RNASET2: variants seen among roughly 807,000 people sequenced by gnomAD.
RNASET2 encodes ribonuclease T2, also known as ribonuclease 6.
In RNASET2, 28 loss-of-function variants were observed where a neutral mutation model predicts 33.9. That is an observed-to-expected ratio of 0.83 (90% CI 0.61 to 1.13). The LOEUF (loss-of-function observed/expected upper bound fraction) is 1.13. Ranked by LOEUF, RNASET2 falls within the 50% of genes most tolerant of loss-of-function variation. The pLI is 0.00. For missense variants in RNASET2, 330 were observed against 319.9 expected (o/e 1.03, Z -0.24); for synonymous variants, 123 against 121.0 (o/e 1.02, Z -0.11).
In RNASET2 at chr6:166,926,363, C is replaced by A. The variant is rs899284928; in HGVS notation, c.*3225G>T. Among the ~76,000 whole-genome samples, 3 of 151,602 alleles carry A rather than the reference C, an allele frequency of 2.0e-5. No individual in the cohort carries two copies. The highest frequency in any genetic ancestry group is 4.8e-5 in the African/African-American group (2 of 41,248). On this transcript the variant is annotated 3_prime_UTR_variant, in exon 9 of 9. Coordinates refer to ENST00000508775, the MANE Select transcript of RNASET2 (RefSeq NM_003730.6). ...GACCAGCCTGGCCAACACAGTGAAA[C>A]CCCAACTCTACTAAAAATACAAAAA...
Position 166,925,530 on chromosome 6 carries a change from C to T in RNASET2, c.*4058G>A, listed in dbSNP as rs1300029662. The stretch of plus-strand genomic sequence containing the variant: ...CACCTCCCCGGTCCAGCCCTTGCCT[C>T]CCCCGTCCAGCCCTCACCTCCATCA... On this transcript the variant is annotated 3_prime_UTR_variant, in exon 9 of 9. Transcript: ENST00000508775. 6.6e-6 allele frequency among the ~76,000 whole-genome samples: 1 copy of T among 151,772 alleles called. No individual in the cohort carries two copies. Among genetic ancestry groups the T allele is most frequent in the Admixed American group, 6.6e-5 (1 of 15,250 alleles).
chr6:166,940,166 T>G (rs1778662287), intron 5 of RNASET2, among the ~76,000 whole-genome samples: 1 of 152,252 alleles, frequency 6.6e-6, no homozygotes, highest in Admixed American at 6.5e-5. Context: ...GTTTATCATC[T>G]TTAGCATGAA....
In RNASET2 at chr6:166,933,782, G is replaced by T; in HGVS notation, c.492+309C>A. ...AAACCACAAACAAATATAAGACTAC[G>T]TTATAAAAGTGAATGTGACTCTTGA... is the stretch of plus-strand genomic sequence containing the variant. On this transcript the variant is annotated intron_variant, in intron 7 of 8. Transcript: ENST00000508775. This position sits in a 1 kb window ranked among gnomAD's most constrained non-coding sequence, Gnocchi z 4.1. 2.3e-6 allele frequency: 1 copy of T among 428,024 alleles called. No individual in the cohort carries two copies. Among genetic ancestry groups the T allele is most frequent in the Non-Finnish European group, 4.2e-6 (1 of 238,574 alleles). The allele number at this position is 428,024 out of a possible 1,614,324, so 26.5% of individuals were successfully genotyped here.
intron 8 of RNASET2, 125 bp downstream of exon 8, chr6:166,930,919 A>G (rs1778421347): frequency 2.6e-6 from 2 of 779,348 alleles, no homozygotes; most frequent in Non-Finnish European, 4.7e-6. Flanking sequence ...ACATGCCCAC[A>G]TATACAGACA....
chr6:166,946,700 GA>G lies in RNASET2; in HGVS notation c.242del (p.Phe81SerfsTer3). 6.4e-7 allele frequency: 1 copy of G among 1,559,452 alleles called. No homozygotes were observed. On this transcript the variant is annotated frameshift_variant, in exon 4 of 9. Coordinates refer to ENST00000508775, the MANE Select transcript of RNASET2 (RefSeq NM_003730.6). LOFTEE classifies it high-confidence loss of function. ...KSEGCNRSWPFNLEEIKDLLP... is the reference protein window; with the variant it reads ...KSEGCNRSWPXNLEEIKDLLP... ...TCAATACCTTAATCTCTTCTAAATT[GA>G]AGGGCCACGATCTATTACATCCTTC...
rs537978357 is a variant in RNASET2, at chr6:166,926,151, T to A, written c.*3437A>T. On this transcript the variant is annotated 3_prime_UTR_variant, in exon 9 of 9. Transcript: ENST00000508775. ...TTTCACAATTTAGGCAAAATTTTTT[T>A]AAAAAGTTTCCAGTTCACTTTGAGG... is the stretch of plus-strand genomic sequence containing the variant. 2.2e-4 allele frequency among the ~76,000 whole-genome samples: 34 copies of A among 152,226 alleles called. No individual in the cohort carries two copies. Among genetic ancestry groups the A allele is most frequent in the African/African-American group, 6.5e-4 (27 of 41,534 alleles).
intron 4 of RNASET2, among the ~76,000 whole-genome samples, chr6:166,944,580 G>A (rs3734246): frequency 0.038 from 5,744 of 151,260 alleles, 155 homozygotes; most frequent in East Asian, 0.088. Context: ...GGCTACTTCC[G>A]TTTGGGACAA....
Position 166,934,105 on chromosome 6 carries a change from T to C in RNASET2, c.478A>G (p.Ile160Val). Residue 160 changes from isoleucine to valine, a missense_variant, in exon 7 of 9, where the codon ATC becomes GTC. Ile to Val is a conservative substitution (Grantham distance 29, BLOSUM62 3). Transcript: ENST00000508775. ...GCAAGACTTACTTGGTAGTAATTGATGGATGGTTTTATCCCCAATTTTAGA... is the reference window on the plus strand; with the variant it reads ...GCAAGACTTACTTGGTAGTAATTGACGGATGGTTTTATCCCCAATTTTAGA... ...VLLKLGIKPS[I>V]NYYQVADFKD... is the part of the protein sequence containing the mutation. 6.2e-7 allele frequency: 1 copy of C among 1,610,064 alleles called. No homozygotes were observed. The highest frequency in any genetic ancestry group is 2.2e-5 in the East Asian group (1 of 44,884).
In RNASET2 at chr6:166,955,511, A is replaced by C; in HGVS notation, c.86+586T>G. 4 of 986,428 alleles carry C rather than the reference A, an allele frequency of 4.1e-6. No individual in the cohort carries two copies. In the South Asian group the frequency reaches 1.8e-4, roughly 46 times the overall value. 61.1% of individuals were successfully genotyped at this position (986,428 alleles called of 1,614,324 possible). On this transcript the variant is annotated intron_variant, in intron 1 of 8. Coordinates refer to ENST00000508775, the MANE Select transcript of RNASET2 (RefSeq NM_003730.6). ...TCGTTTCACCACCCGCCGCAGTGAA[A>C]GCTGAAATTAAGTGTCCCCTCCACG... is the stretch of plus-strand genomic sequence containing the variant.
At chr6:166,955,763 G>A (rs1362573049) in intron 1 of RNASET2, 4 of 1,229,580 alleles carry the variant, frequency 3.3e-6, no homozygotes, top group African/African-American at 3.1e-5. Context: ...AGTCACCCCA[G>A]AGCGTGCCCA....
In RNASET2 at chr6:166,924,808, C is replaced by T. The variant is rs183742639; in HGVS notation, c.*4780G>A. Among the ~76,000 whole-genome samples, 295 of 152,206 alleles carry T rather than the reference C, an allele frequency of 1.9e-3. No individual in the cohort carries two copies. The highest frequency in any genetic ancestry group is 8.7e-3 in the South Asian group (42 of 4,822). ...TCTCTACTAAAAATACAAAATTAGC[C>T]GGGCATGGTGGCATATGCCACCACT... is the stretch of plus-strand genomic sequence containing the variant. On this transcript the variant is annotated 3_prime_UTR_variant, in exon 9 of 9. Coordinates refer to ENST00000508775, the MANE Select transcript of RNASET2 (RefSeq NM_003730.6).
At chr6:166,938,775 C>T (rs1482608966) in intron 6 of RNASET2, 120 bp downstream of exon 6, 1 of 782,920 alleles carries the variant, frequency 1.3e-6, no homozygotes. Context: ...GAATAGTGCA[C>T]ATGCAGAAGC....
Position 166,939,104 on chromosome 6 carries a change from G to A in RNASET2, c.333-96C>T, listed in dbSNP as rs894336628. The stretch of plus-strand genomic sequence containing the variant: ...ATCCCAACACTTTGGGAGGCTGAAG[G>A]GGGTGGATCACCTGAGATCAGGAGT... On this transcript the variant is annotated intron_variant, in intron 5 of 8. Transcript: ENST00000508775. 32 of 872,460 alleles carry A rather than the reference G, an allele frequency of 3.7e-5. No individual in the cohort carries two copies. In the Admixed American group the frequency reaches 5.0e-4, roughly 14 times the overall value. 54.0% of individuals were successfully genotyped at this position (872,460 alleles called of 1,614,324 possible).
In RNASET2 at chr6:166,944,546, C is replaced by T. The variant is rs549923452; in HGVS notation, c.262-1457G>A. On this transcript the variant is annotated intron_variant, in intron 4 of 8. Coordinates refer to ENST00000508775, the MANE Select transcript of RNASET2 (RefSeq NM_003730.6). ...CAGCTCTCCGAGATGTCCTAGGGCA[C>T]GATATGATTGAGTGTGCAAATTGGG... Among the ~76,000 whole-genome samples the T allele has an allele frequency of 2.7e-5, 4 of 150,744 alleles. No individual in the cohort carries two copies. In the East Asian group the frequency reaches 5.9e-4, roughly 22 times the overall value.
At chr6:166,937,042 T>C (rs1284703297) in intron 6 of RNASET2, among the ~76,000 whole-genome samples, 1 of 152,236 alleles carries the variant, frequency 6.6e-6, no homozygotes. Flanking sequence ...AAGTGGGTCC[T>C]ACCCTGCCAG....
rs11388348 is a variant in RNASET2, at chr6:166,926,533, C to CAA, written c.*3053_*3054dup. On this transcript the variant is annotated 3_prime_UTR_variant, in exon 9 of 9. Transcript: ENST00000508775. ...TGGGCGACAGAGTGAGACTCAGTCT[C>CAA]AAAAAAAAAAAAAAAGAAAAGAAAA... 2.0e-3 allele frequency among the ~76,000 whole-genome samples: 258 copies of CAA among 128,048 alleles called. No homozygotes were observed. Among genetic ancestry groups the CAA allele is most frequent in the East Asian group, 6.2e-3 (28 of 4,508 alleles). The allele number at this position is 128,048 out of a possible 152,430, so 84.0% of individuals were successfully genotyped here.
At chr6:166,944,794 C>A (rs1778788722) in intron 4 of RNASET2, among the ~76,000 whole-genome samples, 1 of 152,080 alleles carries the variant, frequency 6.6e-6, no homozygotes, top group African/African-American at 2.4e-5. Flanking sequence ...CCTTTCCCAG[C>A]TGCAGGCACA....
chr6:166,946,191 G>A (rs1778838732), intron 4 of RNASET2, among the ~76,000 whole-genome samples: 1 of 152,222 alleles, frequency 6.6e-6, no homozygotes, highest in African/African-American at 2.4e-5. Flanking sequence ...CTCTTGTACT[G>A]GAAAGGCCCA....
chr6:166,950,372 TAA>T (rs1778954850), intron 2 of RNASET2, among the ~76,000 whole-genome samples: 1 of 152,120 alleles, frequency 6.6e-6, no homozygotes, highest in African/African-American at 2.4e-5. Flanking sequence ...AGCGCAACAT[TAA>T]GTCTGCAAAA....
Sources: gnomAD v4.1 joint callset for allele counts (sites outside exome capture counted in the v4.1 genomes callset) on GRCh38, gnomAD v4.1.1 for gene constraint, Gnocchi (gnomAD v3.1) non-coding constraint, MANE v1.5 for transcripts, NCBI Gene and HGNC (gene_info 2026-07-23, HGNC 2026-07-21) for gene names.